Variants in MCU observed in about 807,000 individuals in gnomAD.
MCU encodes the protein mitochondrial calcium uniporter.
MCU carries 12 observed loss-of-function variants against 45.2 expected under a neutral mutation model. That is an observed-to-expected ratio of 0.27 (90% CI 0.17 to 0.43). The LOEUF is 0.43. MCU is among the 20% of genes least tolerant of loss of function. MCU has a pLI of 1.00. For synonymous variants in MCU, 160 were observed against 165.1 expected (o/e 0.97, Z 0.24); for missense variants, 324 against 436.7 (o/e 0.74, Z 2.30).
intron 6 of MCU, among the ~76,000 whole-genome samples, chr10:72,880,480 G>T (rs5014757): frequency 0.18 from 25,799 of 140,966 alleles, 4,425 homozygotes; most frequent in African/African-American, 0.55. Context: ...AGGCAAAGCG[G>T]GGGGGGGGAA....
intron 1 of MCU, among the ~76,000 whole-genome samples, chr10:72,812,274 T>C (rs1844556046): frequency 6.6e-6 from 1 of 152,070 alleles, no homozygotes; most frequent in South Asian, 2.1e-4. Context: ...GCCTCCCGAG[T>C]AGCTGGGATT....
intron 1 of MCU, among the ~76,000 whole-genome samples, chr10:72,801,467 A>G (rs937487979): frequency 6.6e-6 from 1 of 150,612 alleles, no homozygotes; most frequent in Non-Finnish European, 1.5e-5. Context: ...AGCTAACATT[A>G]GAACTTTACC....
rs192472523 is a variant in MCU at position 72,860,425 on chromosome 10, G to A, written c.394G>A (p.Gly132Ser). Reference protein sequence around the residue: ...IDRVAIYSPDGVRVAASTGID... With the variant: ...IDRVAIYSPDSVRVAASTGID... Reference sequence around the variant, plus strand: ...AGTTTCATTTGAAATTTTCACAGATGGTGTTCGCGTTGCTGCTTCAACAGG... The same window carrying A: ...AGTTTCATTTGAAATTTTCACAGATAGTGTTCGCGTTGCTGCTTCAACAGG... Residue 132 changes from glycine to serine, a missense_variant and splice_region_variant, in exon 4 of 8, where the codon GGT (glycine) becomes AGT (serine). Physicochemically the swap from Gly to Ser is moderately conservative, Grantham distance 56. Transcript: ENST00000373053. 2.5e-6 allele frequency: 4 copies of A among 1,612,928 alleles called. No homozygotes were observed. In the Admixed American group the frequency reaches 6.7e-5, roughly 27 times the overall value.
chr10:72,815,826 A>G (rs1001986551), intron 1 of MCU, among the ~76,000 whole-genome samples: 10 of 152,212 alleles, frequency 6.6e-5, no homozygotes, highest in African/African-American at 1.9e-4. Context: ...TTCATTACAG[A>G]GCTAATATGC....
At chr10:72,748,461 T>A (rs1035774500) in intron 1 of MCU, among the ~76,000 whole-genome samples, 10 of 152,172 alleles carry the variant, frequency 6.6e-5, no homozygotes, top group Non-Finnish European at 1.3e-4. Context: ...TCAGATCGAT[T>A]AACAAGGAGT....
intron 1 of MCU, among the ~76,000 whole-genome samples, chr10:72,774,588 A>G (rs1843862230): frequency 6.6e-6 from 1 of 152,164 alleles, no homozygotes; most frequent in Non-Finnish European, 1.5e-5. Context: ...TTCTCCAATT[A>G]AAAGGCATAG....
intron 2 of MCU, among the ~76,000 whole-genome samples, chr10:72,858,189 T>C (rs994685831): frequency 5.9e-5 from 9 of 152,124 alleles, no homozygotes; most frequent in Non-Finnish European, 1.2e-4. Context: ...CAAATATACA[T>C]ACTCAGTACG....
chr10:72,755,318 T>G (rs1015400793), intron 1 of MCU, among the ~76,000 whole-genome samples: 8 of 151,874 alleles, frequency 5.3e-5, no homozygotes, highest in African/African-American at 1.9e-4. Context: ...CCAGCTAGTT[T>G]TGTATTTTTA....
At chr10:72,695,803 TG>T (rs1376399899) in intron 1 of MCU, among the ~76,000 whole-genome samples, 3 of 151,708 alleles carry the variant, frequency 2.0e-5, no homozygotes, top group Non-Finnish European at 4.4e-5. Context: ...CTTGAACTCC[TG>T]GGCTCAAGCT....
At chr10:72,798,510 T>C (rs1167401408) in intron 1 of MCU, among the ~76,000 whole-genome samples, 1 of 152,168 alleles carries the variant, frequency 6.6e-6, no homozygotes, top group Non-Finnish European at 1.5e-5. Flanking sequence ...CAGGCTGGTC[T>C]CGACTTCCTG....
At chr10:72,795,665 T>C (rs1034244937) in intron 1 of MCU, among the ~76,000 whole-genome samples, 6 of 152,086 alleles carry the variant, frequency 3.9e-5, no homozygotes, top group African/African-American at 9.7e-5. Flanking sequence ...ATCTATTATG[T>C]GGTGTCTGTT....
In MCU at chr10:72,793,621, A is replaced by G. The variant is rs190668726; in HGVS notation, c.151-40738A>G. The stretch of plus-strand genomic sequence containing the variant: ...GCTTGGAATATCTCATATGGTCACA[A>G]TCAGATGATGGCTGGTACTTCCTCA... On this transcript the variant is annotated intron_variant, in intron 1 of 7. Transcript: ENST00000373053. Among the ~76,000 whole-genome samples, 19 of 152,130 alleles carry G rather than the reference A, an allele frequency of 1.2e-4. 1 individual carries two copies. The highest frequency in any genetic ancestry group is 4.6e-4 in the African/African-American group (19 of 41,494).
chr10:72,717,618 A>G (rs912928718), intron 1 of MCU, among the ~76,000 whole-genome samples: 6 of 152,192 alleles, frequency 3.9e-5, no homozygotes, highest in Admixed American at 3.3e-4. Flanking sequence ...AGGTTGGCTT[A>G]GATGGAATAA....
chr10:72,692,211 CG>C lies in MCU; in HGVS notation c.65del (p.Gly22AlafsTer8). 8.0e-7 allele frequency: 1 copy of C among 1,250,824 alleles called. No individual in the cohort carries two copies. The highest frequency in any genetic ancestry group is 1.0e-6 in the Non-Finnish European group (1 of 991,472). The allele number at this position is 1,250,824 out of a possible 1,614,324, so 77.5% of individuals were successfully genotyped here. A position where few individuals can be genotyped will look rare whatever the true frequency, so the allele number is the denominator to read the frequency against. ...TCCTCTCCTCTCGGGGCGGCGGCGG[CG>C]GGGGCGCCGGCGGCTGCGGGGCGCT... ...LLLSSRGGGGGGAGGCGALTA... is the reference protein window; with the variant it reads ...LLLSSRGGGGXGAGGCGALTA... On this transcript the variant is annotated frameshift_variant, in exon 1 of 8. Coordinates refer to ENST00000373053, the MANE Select transcript of MCU (RefSeq NM_138357.3). LOFTEE classifies it high-confidence loss of function.
At chr10:72,730,060 A>G (rs1843151423) in intron 1 of MCU, among the ~76,000 whole-genome samples, 1 of 150,626 alleles carries the variant, frequency 6.6e-6, no homozygotes, top group Admixed American at 6.6e-5. Flanking sequence ...CCGGAGTTCA[A>G]GCAATTCTCC....
chr10:72,711,134 A>G (rs1025441791), intron 1 of MCU, among the ~76,000 whole-genome samples: 25 of 151,890 alleles, frequency 1.6e-4, no homozygotes, highest in African/African-American at 5.8e-4. Context: ...AGCCGAGATC[A>G]TGCCATTGCA....
At chr10:72,786,005 G>A (rs750704550) in intron 1 of MCU, among the ~76,000 whole-genome samples, 7 of 152,180 alleles carry the variant, frequency 4.6e-5, no homozygotes, top group South Asian at 2.1e-4. Flanking sequence ...AAGATTGTCC[G>A]TAGAATAGGG....
rs1463529693 is a variant in MCU at position 72,887,258 on chromosome 10, C to T, written c.*1436C>T. ...GAAAAGAAAAACTTTAAATGACAAACCCAGACTCCAGGTGCCTTGCAAAGG... is the reference window on the plus strand; with the variant it reads ...GAAAAGAAAAACTTTAAATGACAAATCCAGACTCCAGGTGCCTTGCAAAGG... On this transcript the variant is annotated 3_prime_UTR_variant, in exon 8 of 8. Transcript: ENST00000373053. 6.6e-6 allele frequency: 1 copy of T among 152,614 alleles called. No individual in the cohort carries two copies. Among genetic ancestry groups the T allele is most frequent in the Non-Finnish European group, 1.5e-5 (1 of 68,024 alleles). 9.5% of individuals were successfully genotyped at this position (152,614 alleles called of 1,614,324 possible). A position where few individuals can be genotyped will look rare whatever the true frequency, so the allele number is the denominator to read the frequency against.
chr10:72,865,916 A>G (rs1392918759), intron 4 of MCU, among the ~76,000 whole-genome samples: 1 of 151,746 alleles, frequency 6.6e-6, no homozygotes, highest in Non-Finnish European at 1.5e-5. Context: ...AGCTGGGACT[A>G]CAGGCGCCTG....
Sources: allele counts gnomAD v4.1 joint callset (sites outside exome capture counted in the v4.1 genomes callset), GRCh38; gene constraint gnomAD v4.1.1; transcripts MANE v1.5; gene names NCBI Gene and HGNC (gene_info 2026-07-23, HGNC 2026-07-21).